Variants in ZNF569 observed in about 807,000 individuals in gnomAD.
The protein encoded by ZNF569 is zinc finger protein 569.
In ZNF569, 38 loss-of-function variants were observed where a neutral mutation model predicts 56.3. The ratio of observed to expected loss-of-function variants is 0.68; its 90% CI spans 0.52 to 0.88. The LOEUF is 0.88. ZNF569 is among the 40% of genes least tolerant of loss of function. ZNF569 has a pLI of 0.00. For synonymous variants in ZNF569, 241 were observed against 262.9 expected (o/e 0.92, Z 0.81); for missense variants, 666 against 809.2 (o/e 0.82, Z 2.15).
At chr19:37,449,956 A>C (rs1278203705) in intron 2 of ZNF569, among the ~76,000 whole-genome samples, 1 of 151,042 alleles carries the variant, frequency 6.6e-6, no homozygotes, top group Non-Finnish European at 1.5e-5. Flanking sequence ...TCCTTCCCCC[A>C]CTTTTCTCCT....
intron 3 of ZNF569, among the ~76,000 whole-genome samples, chr19:37,437,924 T>C (rs1568732836): frequency 1.3e-5 from 2 of 152,186 alleles, no homozygotes. Flanking sequence ...TTCAATGCAA[T>C]TGTTATCAAA....
At position 37,412,893 on chromosome 19, in the gene ZNF569, G is replaced by C; in HGVS notation, c.1765C>G (p.Gln589Glu). 6.2e-7 allele frequency: 1 copy of C among 1,614,044 alleles called. No individual in the cohort carries two copies. Among genetic ancestry groups the C allele is most frequent in the Non-Finnish European group, 8.5e-7 (1 of 1,179,958 alleles). The change falls in exon 6 of 6, where the codon CAA becomes GAA. Residue 589 changes from glutamine (Q) to glutamate (E), a missense_variant. Gln to Glu is a conservative substitution (Grantham distance 29). Coordinates refer to ENST00000316950, the MANE Select transcript of ZNF569 (RefSeq NM_152484.3). ...VCNECGKAFS[Q>E]RTSLIVHMRG... is the part of the protein sequence containing the mutation. ...ATGTGCACAATAAGGGAAGTTCTTTGAGAGAAGGCTTTCCCACATTCATTA... is the reference window on the plus strand; with the variant it reads ...ATGTGCACAATAAGGGAAGTTCTTTCAGAGAAGGCTTTCCCACATTCATTA...
rs576481785 is a variant in ZNF569 at position 37,440,164 on chromosome 19, T to C, written c.15+4743A>G. 1.2e-4 allele frequency among the ~76,000 whole-genome samples: 18 copies of C among 152,232 alleles called. No homozygotes were observed. The East Asian group carries it at 3.5e-3, about 29-fold the overall frequency. ...ATACCTCATGTACCTCATAAATGTATACCTCATACATGTATACACCTACTA... is the reference window on the plus strand; with the variant it reads ...ATACCTCATGTACCTCATAAATGTACACCTCATACATGTATACACCTACTA... On this transcript the variant is annotated intron_variant, in intron 3 of 5. Coordinates refer to ENST00000316950, the MANE Select transcript of ZNF569 (RefSeq NM_152484.3).
intron 1 of ZNF569, among the ~76,000 whole-genome samples, chr19:37,466,104 A>G (rs575643475): frequency 1.3e-5 from 2 of 152,268 alleles, no homozygotes; most frequent in Non-Finnish European, 2.9e-5. Flanking sequence ...GGGGGTGAAA[A>G]GATGGAAAGT....
At chr19:37,418,424 A>C (rs1451237512) in intron 5 of ZNF569, among the ~76,000 whole-genome samples, 1 of 152,196 alleles carries the variant, frequency 6.6e-6, no homozygotes, top group African/African-American at 2.4e-5. Flanking sequence ...GGTATCATTT[A>C]AAAGGCATAA....
rs755804446 is a variant in ZNF569, at chr19:37,426,398, C to T, written c.16-20G>A. 2 of 1,582,058 alleles carry T rather than the reference C, an allele frequency of 1.3e-6. No individual in the cohort carries two copies. Among genetic ancestry groups the T allele is most frequent in the Admixed American group, 1.9e-5 (1 of 53,698 alleles). On this transcript the variant is annotated intron_variant, in intron 3 of 5. Coordinates refer to ENST00000316950, the MANE Select transcript of ZNF569 (RefSeq NM_152484.3). ...TGTTCCCTGTAACAACACACTCCCACTCAATCTGAAGTCATCCATCTTGGG... is the reference window on the plus strand; with the variant it reads ...TGTTCCCTGTAACAACACACTCCCATTCAATCTGAAGTCATCCATCTTGGG...
chr19:37,411,686 G>T lies in ZNF569; in HGVS notation c.*911C>A, dbSNP rs1425100352. On this transcript the variant is annotated 3_prime_UTR_variant, in exon 6 of 6. Transcript: ENST00000316950. ...GCTTTTTATATTCTGGTCTTTAGTT[G>T]GATTTTATTTTTGTATATGATATAA... 6.6e-6 allele frequency: 1 copy of T among 151,938 alleles called. No homozygotes were observed. The highest frequency in any genetic ancestry group is 1.9e-4 in the East Asian group (1 of 5,190). The allele number at this position is 151,938 out of a possible 1,614,324, so 9.4% of individuals were successfully genotyped here. A position where few individuals can be genotyped will look rare whatever the true frequency, so the allele number is the denominator to read the frequency against.
intron 3 of ZNF569, among the ~76,000 whole-genome samples, chr19:37,443,282 G>A (rs573764021): frequency 6.6e-6 from 1 of 152,210 alleles, no homozygotes; most frequent in African/African-American, 2.4e-5. Context: ...GGAGGCAGAG[G>A]TTGCAGTGAG....
At chr19:37,435,950 T>TC (rs1441312699) in intron 3 of ZNF569, among the ~76,000 whole-genome samples, 1 of 152,056 alleles carries the variant, frequency 6.6e-6, no homozygotes, top group East Asian at 1.9e-4. Context: ...CAGATAGAAA[T>TC]CAACAAAGAA....
chr19:37,421,741 C>A (rs1277360157), intron 5 of ZNF569, among the ~76,000 whole-genome samples: 3 of 138,884 alleles, frequency 2.2e-5, no homozygotes, highest in Non-Finnish European at 3.1e-5. Context: ...ACTGTAGTGG[C>A]ACTTTTTTTT....
intron 3 of ZNF569, among the ~76,000 whole-genome samples, chr19:37,435,122 A>G (rs1040426804): frequency 3.3e-5 from 5 of 152,200 alleles, no homozygotes; most frequent in Non-Finnish European, 5.9e-5. Context: ...ACTCCATCTC[A>G]AAAATAAATA....
At chr19:37,419,508 G>T (rs1027657243) in intron 5 of ZNF569, among the ~76,000 whole-genome samples, 4 of 152,008 alleles carry the variant, frequency 2.6e-5, no homozygotes, top group African/African-American at 9.7e-5. Context: ...AATCATTTGA[G>T]GTCAGGGGTT....
chr19:37,459,228 T>A (rs1325696910), intron 2 of ZNF569, among the ~76,000 whole-genome samples: 2 of 149,808 alleles, frequency 1.3e-5, no homozygotes, highest in Non-Finnish European at 3.0e-5. Flanking sequence ...CTAAGCAAGA[T>A]AAATACCAAA....
At chr19:37,451,308 G>T (rs1023600166) in intron 2 of ZNF569, among the ~76,000 whole-genome samples, 2 of 151,408 alleles carry the variant, frequency 1.3e-5, no homozygotes, top group African/African-American at 4.9e-5. Flanking sequence ...GCTGAGGCAG[G>T]AGAATCACTT....
At chr19:37,468,010 G>T (rs1320390808), upstream of ZNF569, 5 of 1,389,878 alleles carry the variant, frequency 3.6e-6, no homozygotes, top group East Asian at 1.0e-4. Context: ...CTTCTAAACA[G>T]ACTTGGCCTT....
chr19:37,452,279 C>G (rs970043801), intron 2 of ZNF569, among the ~76,000 whole-genome samples: 13 of 152,166 alleles, frequency 8.5e-5, no homozygotes, highest in Non-Finnish European at 2.9e-5. Context: ...TATTTCATAT[C>G]TATTTTTAAT....
chr19:37,412,546 G>A lies in ZNF569; in HGVS notation c.*51C>T. The A allele has an allele frequency of 2.0e-6, 3 of 1,528,042 alleles. No homozygotes were observed. Among genetic ancestry groups the A allele is most frequent in the Middle Eastern group, 1.8e-4 (1 of 5,634 alleles). 94.7% of individuals were successfully genotyped at this position (1,528,042 alleles called of 1,614,324 possible). On this transcript the variant is annotated 3_prime_UTR_variant, in exon 6 of 6. Transcript: ENST00000316950. ...AAGTGATCATGTAATGTGCAATGAG[G>A]TGTTAATTCCTTCAGATGGCCTTGC...
rs1169174758 is a variant in ZNF569, at chr19:37,411,381, C to A, written c.*1216G>T. ...TATATATTGTAATCTATCCATATAA[C>A]TATAGGTAGATTTTGTTTCTAAATT... On this transcript the variant is annotated 3_prime_UTR_variant, in exon 6 of 6. Transcript: ENST00000316950. 2.0e-5 allele frequency: 3 copies of A among 152,060 alleles called. No homozygotes were observed. The highest frequency in any genetic ancestry group is 7.2e-5 in the African/African-American group (3 of 41,406). 9.4% of individuals were successfully genotyped at this position (152,060 alleles called of 1,614,324 possible). A position where few individuals can be genotyped will look rare whatever the true frequency, so the allele number is the denominator to read the frequency against.
chr19:37,448,556 C>CTTTTTTTTTT (rs545559315), intron 2 of ZNF569, among the ~76,000 whole-genome samples: 1 of 72,530 alleles, frequency 1.4e-5, no homozygotes, highest in Non-Finnish European at 2.4e-5. Flanking sequence ...ATGCTGTAAT[C>CTTTTTTTTTT]TTTTTTTTTT....
Sources: gnomAD v4.1 joint callset for allele counts (sites outside exome capture counted in the v4.1 genomes callset) on GRCh38, gnomAD v4.1.1 for gene constraint, MANE v1.5 for transcripts, NCBI Gene and HGNC (gene_info 2026-07-23, HGNC 2026-07-21) for gene names.